PCDH15: variants seen among roughly 807,000 people sequenced by gnomAD.
The protein encoded by PCDH15 is protocadherin related 15, also known as protocadherin-15.
PCDH15 carries 129 observed loss-of-function variants against 178.5 expected under a neutral mutation model. The observed-to-expected ratio is 0.72, with a 90% CI of 0.63 to 0.84. The LOEUF (loss-of-function observed/expected upper bound fraction) is 0.84, where lower values mean the gene tolerates loss of function less well. Ranked by LOEUF, PCDH15 falls within the 40% of genes least tolerant of loss-of-function variation. The pLI, the probability that PCDH15 is intolerant of heterozygous loss-of-function variation, is 0.00. For missense variants in PCDH15, 2,230 were observed against 2,099.9 expected (o/e 1.06, Z -1.21); for synonymous variants, 800 against 732.0 (o/e 1.09, Z -1.50).
chr10:54,938,960 A>T (rs989587629), intron 2 of PCDH15, among the ~76,000 whole-genome samples: 1 of 152,142 alleles, frequency 6.6e-6, no homozygotes, highest in African/African-American at 2.4e-5. Context: ...TTTAAACAAG[A>T]CCTAACAAAA....
intron 6 of PCDH15, among the ~76,000 whole-genome samples, chr10:54,342,033 G>A (rs2096174): frequency 0.26 from 39,314 of 152,180 alleles, 6,356 homozygotes; most frequent in Middle Eastern, 0.39. Flanking sequence ...AAGGGAAGCA[G>A]AGAATAAAAC....
chr10:53,876,199 T>A lies in PCDH15; in HGVS notation c.3502-9342A>T, dbSNP rs10825143. On this transcript the variant is annotated intron_variant, in intron 26 of 37. Transcript: ENST00000644397. ...TCTTGTTTTTTTTTTTGTTTTTTTG[T>A]TTTTTTTTTGACACAGTCTTGCTCT... is the stretch of plus-strand genomic sequence containing the variant. Among the ~76,000 whole-genome samples the A allele has an allele frequency of 1.2e-3, 11 of 9,326 alleles. No individual in the cohort carries two copies. The African/African-American group carries it at 0.023, about 19-fold the overall frequency. The allele number at this position is 9,326 out of a possible 152,430, so 6.1% of individuals were successfully genotyped here.
At chr10:53,986,813 G>A (rs940994214) in intron 21 of PCDH15, among the ~76,000 whole-genome samples, 4 of 152,148 alleles carry the variant, frequency 2.6e-5, no homozygotes, top group Non-Finnish European at 5.9e-5. Context: ...AGGGGCTAAG[G>A]GAAAGGGGAA....
At chr10:55,159,369 C>CTATA (rs1174815209) in intron 2 of PCDH15, among the ~76,000 whole-genome samples, 7 of 20,902 alleles carry the variant, frequency 3.3e-4, no homozygotes, top group African/African-American at 6.0e-4. Context: ...ATCTATCTAT[C>CTATA]TATATATATA....
At chr10:55,051,970 G>T (rs1299481609) in intron 2 of PCDH15, among the ~76,000 whole-genome samples, 1 of 151,930 alleles carries the variant, frequency 6.6e-6, no homozygotes, top group East Asian at 1.9e-4. Context: ...CCATAGATAG[G>T]GTGGAGCAAA....
At chr10:55,272,249 T>A (rs1020148350) in intron 1 of PCDH15, among the ~76,000 whole-genome samples, 10 of 150,928 alleles carry the variant, frequency 6.6e-5, no homozygotes, top group Admixed American at 6.6e-4. Flanking sequence ...ACAACTAAGA[T>A]TTTTTTTTAG....
chr10:54,883,996 A>G lies in PCDH15; in HGVS notation c.-29+13454T>C, dbSNP rs538838212. On this transcript the variant is annotated intron_variant, in intron 3 of 5. Transcript: ENST00000458638. ...GTTTGGAGATAACATATTTATAAAT[A>G]AAAAGAAAATGTAACATGGGGAATT... is the stretch of plus-strand genomic sequence containing the variant. 1.1e-4 allele frequency among the ~76,000 whole-genome samples: 17 copies of G among 152,148 alleles called. No homozygotes were observed. The South Asian group carries it at 3.5e-3, about 31-fold the overall frequency.
intron 30 of PCDH15, among the ~76,000 whole-genome samples, chr10:53,829,395 G>T (rs1475633113): frequency 6.6e-6 from 1 of 152,082 alleles, no homozygotes; most frequent in African/African-American, 2.4e-5. Flanking sequence ...CTTCAGTTTT[G>T]ATCATTGCAT....
intron 20 of PCDH15, among the ~76,000 whole-genome samples, chr10:53,997,591 A>T (rs2091916101): frequency 6.6e-6 from 1 of 152,156 alleles, no homozygotes; most frequent in Non-Finnish European, 1.5e-5. Flanking sequence ...TACTTTTTGG[A>T]AAATTTGATT....
At chr10:54,291,861 G>C (rs77100150) in intron 8 of PCDH15, among the ~76,000 whole-genome samples, 3 of 152,196 alleles carry the variant, frequency 2.0e-5, no homozygotes, top group Non-Finnish European at 4.4e-5. Context: ...TCCAGGGCCA[G>C]ACGGATTCAC....
chr10:55,527,948 A>T (rs1216081377), intron 2 of PCDH15, among the ~76,000 whole-genome samples: 1 of 152,126 alleles, frequency 6.6e-6, no homozygotes. Flanking sequence ...AGAGAAGTTA[A>T]TAACATTTTT....
At chr10:55,520,834 A>G (rs1037280525) in intron 2 of PCDH15, among the ~76,000 whole-genome samples, 10 of 151,890 alleles carry the variant, frequency 6.6e-5, no homozygotes, top group Non-Finnish European at 1.3e-4. Context: ...AATTAACAAA[A>G]TGTGTATATA....
intron 3 of PCDH15, among the ~76,000 whole-genome samples, chr10:54,523,159 A>G (rs2083048542): frequency 2.6e-5 from 4 of 152,228 alleles, no homozygotes; most frequent in Admixed American, 2.6e-4. Context: ...ACTGTATGAC[A>G]AAATGGAGAA....
In PCDH15 at chr10:54,346,373, C is replaced by T. The variant is rs1943284921; in HGVS notation, c.586G>A (p.Asp196Asn). Residue 196 changes from aspartate (D) to asparagine (N), a missense_variant, in exon 6 of 38, where the codon GAT becomes AAT. Asp to Asn is a conservative substitution (Grantham distance 23). Coordinates refer to ENST00000644397, the MANE Select transcript of PCDH15 (RefSeq NM_001384140.1). ...AATAGGTATTTACATACCGGATCAT[C>T]TGGATTATACTGAATAACATACTCT... ...QIEYVIQYNP[D>N]DPTSNDTFEI... The T allele has an allele frequency of 1.2e-6, 2 of 1,612,864 alleles. No individual in the cohort carries two copies. Among genetic ancestry groups the T allele is most frequent in the African/African-American group, 2.7e-5 (2 of 74,874 alleles).
intron 2 of PCDH15, among the ~76,000 whole-genome samples, chr10:55,094,098 T>A (rs559106216): frequency 7.7e-4 from 117 of 152,252 alleles, no homozygotes; most frequent in African/African-American, 2.7e-3. Context: ...CACATGTATG[T>A]TTATTGTGGC....
intron 2 of PCDH15, among the ~76,000 whole-genome samples, chr10:55,070,980 A>G (rs1021931868): frequency 1.3e-4 from 20 of 151,942 alleles, no homozygotes; most frequent in African/African-American, 3.9e-4. Context: ...TTCTCCTTGA[A>G]GAGTATCCAG....
chr10:54,575,002 G>T (rs2090299104), intron 2 of PCDH15, among the ~76,000 whole-genome samples: 1 of 148,882 alleles, frequency 6.7e-6, no homozygotes, highest in Non-Finnish European at 1.5e-5. Flanking sequence ...CCTTTGTAGG[G>T]ACATGGATGA....
intron 24 of PCDH15, among the ~76,000 whole-genome samples, chr10:53,939,979 A>G (rs1243620857): frequency 1.3e-5 from 2 of 152,114 alleles, no homozygotes; most frequent in Non-Finnish European, 2.9e-5. Flanking sequence ...ATGTAGAAAG[A>G]AAGGCAATAA....
At chr10:54,678,012 T>C (rs1257635736) in intron 1 of PCDH15, among the ~76,000 whole-genome samples, 1 of 152,104 alleles carries the variant, frequency 6.6e-6, no homozygotes, top group African/African-American at 2.4e-5. Flanking sequence ...CAGTAATATA[T>C]GCACTCACCA....
Sources: allele counts gnomAD v4.1 joint callset (sites outside exome capture counted in the v4.1 genomes callset), GRCh38; gene constraint gnomAD v4.1.1; transcripts MANE v1.5; gene names NCBI Gene and HGNC (gene_info 2026-07-23, HGNC 2026-07-21).